Variants in ZNF33B observed in about 807,000 individuals in gnomAD.
The protein encoded by ZNF33B is zinc finger protein 11b (KOX 2).
In ZNF33B, 29 loss-of-function variants were observed where a neutral mutation model predicts 45.8. The observed-to-expected ratio is 0.63, with a 90% CI of 0.47 to 0.86. The LOEUF (loss-of-function observed/expected upper bound fraction) is 0.86, where lower values mean the gene tolerates loss of function less well. Ranked by LOEUF, ZNF33B falls within the 40% of genes least tolerant of loss-of-function variation. The pLI, the probability that ZNF33B is intolerant of heterozygous loss-of-function variation, is 0.00. For synonymous variants in ZNF33B, 305 were observed against 307.8 expected (o/e 0.99, Z 0.10); for missense variants, 831 against 909.9 (o/e 0.91, Z 1.12).
chr10:42,579,570 C>A (rs1173564232), intron 1 of ZNF33B, among the ~76,000 whole-genome samples: 1 of 152,032 alleles, frequency 6.6e-6, no homozygotes, highest in Non-Finnish European at 1.5e-5. Flanking sequence ...GAGTGTGCAT[C>A]CAAAAAGTAC....
At chr10:42,601,908 CTTT>C (rs34431290) in intron 4 of ZNF33B, among the ~76,000 whole-genome samples, 220 of 75,334 alleles carry the variant, frequency 2.9e-3, no homozygotes, top group Middle Eastern at 0.012. Context: ...ATGTGATATT[CTTT>C]TTTTTTTTTT....
chr10:42,621,208 A>G (rs1472948487), intron 4 of ZNF33B, among the ~76,000 whole-genome samples: 1 of 151,680 alleles, frequency 6.6e-6, no homozygotes, highest in East Asian at 1.9e-4. Context: ...ATGGTGGTAT[A>G]CAGCTATAGC....
At chr10:42,619,695 A>T (rs1403978851) in intron 4 of ZNF33B, among the ~76,000 whole-genome samples, 1 of 152,214 alleles carries the variant, frequency 6.6e-6, no homozygotes, top group African/African-American at 2.4e-5. Flanking sequence ...TGGGCACACA[A>T]TGTATAAAGA....
At chr10:42,633,120 A>G (rs1839131389) in intron 2 of ZNF33B, among the ~76,000 whole-genome samples, 1 of 152,224 alleles carries the variant, frequency 6.6e-6, no homozygotes, top group South Asian at 2.1e-4. Flanking sequence ...TTCTAATTTA[A>G]TTCTCATTTA....
chr10:42,583,027 C>T (rs1308934559), intron 1 of ZNF33B: 1 of 792,440 alleles, frequency 1.3e-6, no homozygotes, highest in Non-Finnish European at 2.2e-6. Flanking sequence ...CATTGATCTT[C>T]CAGTCCTGGT....
At chr10:42,618,409 G>A (rs1474446580) in intron 4 of ZNF33B, among the ~76,000 whole-genome samples, 1 of 152,084 alleles carries the variant, frequency 6.6e-6, no homozygotes, top group Non-Finnish European at 1.5e-5. Context: ...TTTTTTTGAT[G>A]GAACATTAAG....
intron 2 of ZNF33B, among the ~76,000 whole-genome samples, chr10:42,635,696 G>C (rs1272880139): frequency 1.3e-5 from 2 of 151,198 alleles, no homozygotes; most frequent in African/African-American, 4.9e-5. Flanking sequence ...TATAATTCCA[G>C]CTACTTGGGA....
chr10:42,606,634 C>T (rs1391916515), intron 4 of ZNF33B, among the ~76,000 whole-genome samples: 3 of 151,842 alleles, frequency 2.0e-5, no homozygotes, highest in Non-Finnish European at 4.4e-5. Context: ...CTTTAAAAGA[C>T]ATCAACACAT....
chr10:42,618,261 T>C (rs991904347), intron 4 of ZNF33B, among the ~76,000 whole-genome samples: 4 of 152,236 alleles, frequency 2.6e-5, no homozygotes, highest in African/African-American at 9.6e-5. Context: ...TCATCCATAA[T>C]GTTACATGTA....
rs747694554 is a variant in ZNF33B, at chr10:42,632,361, C to G, written c.88G>C (p.Asp30His). Residue 30 changes from aspartate to histidine, a missense_variant, in exon 3 of 5, where the codon GAC becomes CAC. Physicochemically the swap from Asp to His is moderately conservative, Grantham distance 81. Coordinates refer to ENST00000359467, the MANE Select transcript of ZNF33B (RefSeq NM_006955.3). ...CTATACAGAGCCCTCTGACTAGGGT[C>G]CAGGTGCTGCCACTCCTCCTGGGTG... ...GFTQEEWQHL[D>H]PSQRALYRDV... 12 of 1,613,770 alleles carry G rather than the reference C, an allele frequency of 7.4e-6. No homozygotes were observed. The Admixed American group carries it at 1.8e-4, about 25-fold the overall frequency.
At chr10:42,635,631 G>A (rs1341970431) in intron 2 of ZNF33B, among the ~76,000 whole-genome samples, 1 of 151,688 alleles carries the variant, frequency 6.6e-6, no homozygotes. Flanking sequence ...CCAACATGGT[G>A]AAACCCTGTC....
intron 4 of ZNF33B, among the ~76,000 whole-genome samples, chr10:42,599,291 A>G (rs542080573): frequency 3.3e-5 from 5 of 152,102 alleles, no homozygotes; most frequent in African/African-American, 1.2e-4. Flanking sequence ...TTCTGGTTCT[A>G]CAGATTATAT....
chr10:42,621,070 A>C (rs1483514355), intron 4 of ZNF33B, among the ~76,000 whole-genome samples: 1 of 151,942 alleles, frequency 6.6e-6, no homozygotes, highest in African/African-American at 2.4e-5. Context: ...TAGCACCTGT[A>C]ATCCCAGAGG....
chr10:42,581,825 A>G (rs1218898721), intron 1 of ZNF33B: 1 of 152,222 alleles, frequency 6.6e-6, no homozygotes, highest in Non-Finnish European at 1.5e-5. Context: ...GATTAAAAGC[A>G]CATTCCTGGC....
chr10:42,583,836 T>C (rs781301221), intron 1 of ZNF33B, among the ~76,000 whole-genome samples: 1 of 151,986 alleles, frequency 6.6e-6, no homozygotes, highest in African/African-American at 2.4e-5. Context: ...AGCTGGAACC[T>C]CTTACGTCTT....
intron 4 of ZNF33B, among the ~76,000 whole-genome samples, chr10:42,597,206 A>T (rs114491136): frequency 0.017 from 2,551 of 152,114 alleles, 77 homozygotes; most frequent in African/African-American, 0.058. Flanking sequence ...ATTTTAATAC[A>T]GGGCAGAGAT....
At chr10:42,627,480 C>A (rs1227389908) in intron 4 of ZNF33B, among the ~76,000 whole-genome samples, 1 of 152,034 alleles carries the variant, frequency 6.6e-6, no homozygotes, top group East Asian at 1.9e-4. Context: ...TCCACAGAAC[C>A]CTATGTTTCA....
intron 3 of ZNF33B, 67 bp downstream of exon 3, chr10:42,632,228 C>G: frequency 6.4e-7 from 1 of 1,561,870 alleles, no homozygotes. Context: ...ACTAGACAGA[C>G]TGCCTATATG....
intron 4 of ZNF33B, among the ~76,000 whole-genome samples, chr10:42,606,810 A>G (rs79657301): frequency 6.6e-6 from 1 of 151,926 alleles, no homozygotes; most frequent in African/African-American, 2.4e-5. Context: ...AAAAAAAAAA[A>G]AGACATCAAA....
Sources: gnomAD v4.1 joint callset for allele counts (sites outside exome capture counted in the v4.1 genomes callset) on GRCh38, gnomAD v4.1.1 for gene constraint, MANE v1.5 for transcripts, NCBI Gene and HGNC (gene_info 2026-07-23, HGNC 2026-07-21) for gene names.